The following ASH1L variants were observed in gnomAD, a reference collection of about 807,000 sequenced individuals.
ASH1L encodes histone-lysine N-methyltransferase ASH1L.
Under a neutral mutation model 269.0 loss-of-function variants are expected in ASH1L, and 23 were observed. The observed-to-expected ratio is 0.09, with a 90% CI of 0.06 to 0.12. The LOEUF (loss-of-function observed/expected upper bound fraction) is 0.12. ASH1L is among the 10% of genes least tolerant of loss of function. ASH1L has a pLI of 1.00. For synonymous variants in ASH1L, 1,187 were observed against 1,253.5 expected, an observed-to-expected ratio of 0.95 and a Z score of 1.12; for missense variants, 2,912 against 3,567.8, an observed-to-expected ratio of 0.82 and a Z score of 4.68.
chr1:155,534,346 C>T (rs535061102), intron 1 of ASH1L, among the ~76,000 whole-genome samples: 1 of 146,944 alleles, frequency 6.8e-6, no homozygotes, highest in South Asian at 2.2e-4. Flanking sequence ...TATCAGCATA[C>T]TAGATTAGGA....
intron 2 of ASH1L, among the ~76,000 whole-genome samples, chr1:155,490,968 CAAAAAAAAAAAAAAAAAAAAAAAA>C (rs767615285): frequency 0.019 from 1,167 of 61,372 alleles, 54 homozygotes; most frequent in African/African-American, 0.077. Flanking sequence ...ACCCTGATTC[CAAAAAAAAAAAAAAAAAAAAAAAA>C]AAAAAAAAAA....
intron 1 of ASH1L, among the ~76,000 whole-genome samples, chr1:155,556,391 CATATATATACGT>C (rs1467619542): frequency 7.1e-6 from 1 of 141,282 alleles, no homozygotes; most frequent in Non-Finnish European, 1.5e-5. Context: ...TATAAATATA[CATATATATACGT>C]GTGTGTGTGT....
At chr1:155,376,132 G>A (rs1656417653) in intron 10 of ASH1L, among the ~76,000 whole-genome samples, 1 of 152,018 alleles carries the variant, frequency 6.6e-6, no homozygotes, top group East Asian at 1.9e-4. Flanking sequence ...TGAGCTTGTG[G>A]ACCACACTGT....
At chr1:155,371,807 C>T (rs894045968) in intron 10 of ASH1L, among the ~76,000 whole-genome samples, 1 of 151,266 alleles carries the variant, frequency 6.6e-6, no homozygotes. Context: ...GATTCTCCTG[C>T]CTCAGCCTCC....
chr1:155,385,341 G>A (rs1264146531), intron 7 of ASH1L, among the ~76,000 whole-genome samples: 1 of 152,162 alleles, frequency 6.6e-6, no homozygotes, highest in African/African-American at 2.4e-5. Flanking sequence ...TACTCGGGAG[G>A]CTGAGGCAGG....
At chr1:155,383,267 G>A (rs1165265578) in intron 7 of ASH1L, among the ~76,000 whole-genome samples, 2 of 152,148 alleles carry the variant, frequency 1.3e-5, no homozygotes, top group Admixed American at 6.6e-5. Flanking sequence ...GCCTAAGTGT[G>A]CAGTGTTTAT....
At position 155,562,564 on chromosome 1, in the gene ASH1L, G is replaced by T. The variant is rs1244870229; in HGVS notation, c.-511C>A. ...CTTGCGTTCTTTCCCACCGTCCCCC[G>T]CTCCGCCCGACTCCGTCCGCGTAGC... On this transcript the variant is annotated 5_prime_UTR_variant, in exon 1 of 28. Coordinates refer to ENST00000392403, the MANE Select transcript of ASH1L (RefSeq NM_018489.3). The T allele has an allele frequency of 6.5e-7, 1 of 1,527,654 alleles. No homozygotes were observed. Among genetic ancestry groups the T allele is most frequent in the African/African-American group, 1.4e-5 (1 of 72,578 alleles). 94.6% of individuals were successfully genotyped at this position (1,527,654 alleles called of 1,614,324 possible).
chr1:155,340,117 G>A (rs1356759920), intron 25 of ASH1L, among the ~76,000 whole-genome samples: 1 of 151,426 alleles, frequency 6.6e-6, no homozygotes, highest in East Asian at 1.9e-4. Context: ...TACAAAAGAC[G>A]GTCTGGAAAA....
At chr1:155,563,013 C>T, upstream of ASH1L, 1 of 457,894 alleles carries the variant, frequency 2.2e-6, no homozygotes, top group Non-Finnish European at 4.4e-6. Flanking sequence ...CCGAGCGGGT[C>T]GGGGCTTGCC....
chr1:155,482,339 C>A lies in ASH1L; in HGVS notation c.531G>T (p.Lys177Asn), dbSNP rs755061874. ...SQGENNPLSK[K>N]LSPVHSEMAD... Reference sequence around the variant, plus strand: ...CCATTTCTGAGTGTACTGGAGACAGCTTCTTAGACAAAGGATTGTTTTCTC... The same window carrying A: ...CCATTTCTGAGTGTACTGGAGACAGATTCTTAGACAAAGGATTGTTTTCTC... The change falls in exon 3 of 28, where the codon AAG becomes AAT. Residue 177 changes from lysine (K) to asparagine (N), a missense_variant. Physicochemically the swap from Lys to Asn is moderately conservative, Grantham distance 94. Transcript: ENST00000392403. 1.2e-6 allele frequency: 2 copies of A among 1,614,018 alleles called. No homozygotes were observed. The highest frequency in any genetic ancestry group is 2.7e-5 in the African/African-American group (2 of 74,914).
chr1:155,555,702 T>C (rs953471000), intron 1 of ASH1L, among the ~76,000 whole-genome samples: 14 of 152,168 alleles, frequency 9.2e-5, no homozygotes, highest in Admixed American at 2.6e-4. Flanking sequence ...CGAAAAGCAA[T>C]GATGTGAACT....
intron 25 of ASH1L, among the ~76,000 whole-genome samples, chr1:155,341,306 A>G (rs1652778413): frequency 6.6e-6 from 1 of 151,932 alleles, no homozygotes; most frequent in South Asian, 2.1e-4. Flanking sequence ...CCTCCCGAGT[A>G]GCTGGGACCA....
intron 6 of ASH1L, among the ~76,000 whole-genome samples, chr1:155,413,475 T>G (rs1464690193): frequency 1.3e-5 from 2 of 152,004 alleles, no homozygotes; most frequent in African/African-American, 4.8e-5. Context: ...GGCACGGTGG[T>G]GGGTGCCTGT....
At position 155,337,422 on chromosome 1, in the gene ASH1L, A is replaced by G; in HGVS notation, c.*238T>C. Reference sequence around the variant, plus strand: ...GTCCTCCCTCCTCTCTACATTATTAACCCTTAAGGTGAAGCAATGGAGAAG... The same window carrying G: ...GTCCTCCCTCCTCTCTACATTATTAGCCCTTAAGGTGAAGCAATGGAGAAG... On this transcript the variant is annotated 3_prime_UTR_variant, in exon 28 of 28. Transcript: ENST00000392403. The G allele has an allele frequency of 2.6e-6, 1 of 388,538 alleles. No individual in the cohort carries two copies. Among genetic ancestry groups the G allele is most frequent in the South Asian group, 3.0e-5 (1 of 33,274 alleles). 24.1% of individuals were successfully genotyped at this position (388,538 alleles called of 1,614,324 possible).
intron 26 of ASH1L, among the ~76,000 whole-genome samples, chr1:155,338,848 T>C (rs1652531660): frequency 6.6e-6 from 1 of 152,200 alleles, no homozygotes; most frequent in Non-Finnish European, 1.5e-5. Flanking sequence ...GTAAAGCAGT[T>C]GTTATGCCCC....
At chr1:155,422,223 A>G (rs952306616) in intron 5 of ASH1L, among the ~76,000 whole-genome samples, 9 of 146,898 alleles carry the variant, frequency 6.1e-5, no homozygotes, top group African/African-American at 1.8e-4. Flanking sequence ...CTGCAACCCT[A>G]CCTCCTGGGT....
Position 155,337,576 on chromosome 1 carries a change from C to T in ASH1L, c.*84G>A, listed in dbSNP as rs1279678819. The T allele has an allele frequency of 1.6e-5, 19 of 1,183,404 alleles. No individual in the cohort carries two copies. Among genetic ancestry groups the T allele is most frequent in the Non-Finnish European group, 2.4e-5 (19 of 794,752 alleles). 73.3% of individuals were successfully genotyped at this position (1,183,404 alleles called of 1,614,324 possible). ...CCCTTGCCCAGATGGACCCTTCCCA[C>T]CCCTGTCTATACCCAGAGAGCAGGA... On this transcript the variant is annotated 3_prime_UTR_variant, in exon 28 of 28. Transcript: ENST00000392403.
At chr1:155,390,336 T>A (rs1209144486) in intron 7 of ASH1L, among the ~76,000 whole-genome samples, 1 of 152,172 alleles carries the variant, frequency 6.6e-6, no homozygotes, top group Non-Finnish European at 1.5e-5. Context: ...TTAAATAAAT[T>A]GAGTACCTTA....
In ASH1L at chr1:155,336,244, G is replaced by C. The variant is rs1024485455; in HGVS notation, c.*1416C>G. The stretch of plus-strand genomic sequence containing the variant: ...AGTCAGAGCATCGTCACCATAAGGG[G>C]AAATGTACAATTAGGACAGCATTGG... On this transcript the variant is annotated 3_prime_UTR_variant, in exon 28 of 28. Transcript: ENST00000392403. 3 of 152,388 alleles carry C rather than the reference G, an allele frequency of 2.0e-5. No homozygotes were observed. Among genetic ancestry groups the C allele is most frequent in the East Asian group, 1.9e-4 (1 of 5,312 alleles). The allele number at this position is 152,388 out of a possible 1,614,324, so 9.4% of individuals were successfully genotyped here. A position where few individuals can be genotyped will look rare whatever the true frequency, so the allele number is the denominator to read the frequency against.
Sources: allele counts gnomAD v4.1 joint callset (sites outside exome capture counted in the v4.1 genomes callset), GRCh38; gene constraint gnomAD v4.1.1; transcripts MANE v1.5; gene names NCBI Gene and HGNC (gene_info 2026-07-23, HGNC 2026-07-21).